The following BICC1 variants were observed in gnomAD, a reference collection of about 807,000 sequenced individuals.
BICC1 encodes the protein BicC family RNA binding protein 1.
BICC1 carries 43 observed loss-of-function variants against 111.0 expected under a neutral mutation model. That is an observed-to-expected ratio of 0.39 (90% CI 0.30 to 0.50). The LOEUF (loss-of-function observed/expected upper bound fraction) is 0.50. Ranked by LOEUF, BICC1 falls within the 20% of genes least tolerant of loss-of-function variation. The pLI is 0.88. For synonymous variants in BICC1, 467 were observed against 434.4 expected, an observed-to-expected ratio of 1.07 and a Z score of -0.93; for missense variants, 1,091 against 1,203.2, an observed-to-expected ratio of 0.91 and a Z score of 1.38.
intron 3 of BICC1, among the ~76,000 whole-genome samples, chr10:58,729,580 A>G (rs1186112166): frequency 2.0e-5 from 3 of 152,196 alleles, no homozygotes; most frequent in Non-Finnish European, 2.9e-5. Context: ...TGGGTAATTT[A>G]TAAAGAAAAG....
At chr10:58,597,715 G>T (rs1437233018) in intron 1 of BICC1, among the ~76,000 whole-genome samples, 1 of 151,870 alleles carries the variant, frequency 6.6e-6, no homozygotes, top group Admixed American at 6.6e-5. Context: ...CTTTCCCAGG[G>T]TATTAATATT....
At chr10:58,632,293 T>C (rs1837816368) in intron 2 of BICC1, among the ~76,000 whole-genome samples, 1 of 152,196 alleles carries the variant, frequency 6.6e-6, no homozygotes, top group African/African-American at 2.4e-5. Flanking sequence ...AGCATGCATG[T>C]GTGCAGGCTT....
intron 1 of BICC1, among the ~76,000 whole-genome samples, chr10:58,614,318 AC>A (rs1380574023): frequency 6.6e-6 from 1 of 152,094 alleles, no homozygotes; most frequent in East Asian, 1.9e-4. Context: ...GGGACTCAAC[AC>A]CGTTTGCACC....
intron 3 of BICC1, among the ~76,000 whole-genome samples, chr10:58,748,865 C>T (rs1469406027): frequency 6.6e-6 from 1 of 152,112 alleles, no homozygotes; most frequent in African/African-American, 2.4e-5. Context: ...TTTTGGGAAC[C>T]TGCTTAGAGA....
chr10:58,705,446 A>C (rs10740758), intron 3 of BICC1, among the ~76,000 whole-genome samples: 151,948 of 152,338 alleles, frequency 1, 75,780 homozygotes, highest in Middle Eastern at 1. Context: ...TAGAGTGATG[A>C]CAACCTCATT....
At chr10:58,601,296 A>T (rs1344839084) in intron 1 of BICC1, among the ~76,000 whole-genome samples, 1 of 151,200 alleles carries the variant, frequency 6.6e-6, no homozygotes, top group Non-Finnish European at 1.5e-5. Context: ...TAATAGTTAC[A>T]ATCATGTTTC....
intron 2 of BICC1, among the ~76,000 whole-genome samples, chr10:58,661,055 G>A (rs898339889): frequency 2.6e-5 from 4 of 152,064 alleles, no homozygotes; most frequent in Non-Finnish European, 2.9e-5. Flanking sequence ...GATTTTATTC[G>A]AATGTTTTCA....
intron 3 of BICC1, among the ~76,000 whole-genome samples, chr10:58,776,277 TTG>T (rs1842746881): frequency 6.6e-6 from 1 of 152,168 alleles, no homozygotes; most frequent in East Asian, 1.9e-4. Context: ...CAACCAGCAG[TTG>T]TGTGTTAAGA....
chr10:58,718,857 T>A (rs1225439225), intron 3 of BICC1, among the ~76,000 whole-genome samples: 3 of 152,148 alleles, frequency 2.0e-5, no homozygotes, highest in African/African-American at 7.2e-5. Flanking sequence ...TTACTTACTG[T>A]ATTATACAAT....
chr10:58,780,883 G>A (rs1842865385), intron 3 of BICC1, among the ~76,000 whole-genome samples: 5 of 151,996 alleles, frequency 3.3e-5, no homozygotes, highest in African/African-American at 9.7e-5. Context: ...GGTTTTTAGC[G>A]GGTGTCCTTA....
chr10:58,536,125 A>G (rs1374797457), intron 1 of BICC1, among the ~76,000 whole-genome samples: 1 of 151,794 alleles, frequency 6.6e-6, no homozygotes, highest in Non-Finnish European at 1.5e-5. Context: ...AAACACAATA[A>G]TAGTAGAGGG....
chr10:58,540,599 A>ATC (rs1273847466), intron 1 of BICC1, among the ~76,000 whole-genome samples: 1 of 152,048 alleles, frequency 6.6e-6, no homozygotes, highest in Non-Finnish European at 1.5e-5. Context: ...TATACTGGTA[A>ATC]GGAGATTGAA....
chr10:58,733,845 A>G (rs1841391066), intron 3 of BICC1, among the ~76,000 whole-genome samples: 1 of 152,226 alleles, frequency 6.6e-6, no homozygotes, highest in African/African-American at 2.4e-5. Context: ...AGTTAGGAGC[A>G]TGGTGTCTTG....
chr10:58,711,555 C>T (rs778970821), intron 3 of BICC1, among the ~76,000 whole-genome samples: 27 of 152,126 alleles, frequency 1.8e-4, no homozygotes, highest in South Asian at 4.1e-4. Context: ...AGCTCATGTT[C>T]GGTGACCTAT....
rs78425963 is a variant in BICC1 at position 58,521,915 on chromosome 10, T to A, written c.190+8582T>A. On this transcript the variant is annotated intron_variant, in intron 1 of 20. Transcript: ENST00000373886. ...GAATCTTTTGTGAGTCTAATGGAGA[T>A]GGTCCCAGGATCACACTTTGAGAAA... Among the ~76,000 whole-genome samples, 380 of 151,638 alleles carry A rather than the reference T, an allele frequency of 2.5e-3. 4 individuals carry two copies. The East Asian group carries it at 0.028, about 11-fold the overall frequency.
intron 3 of BICC1, among the ~76,000 whole-genome samples, chr10:58,704,887 G>C (rs1436911891): frequency 2.6e-5 from 4 of 152,158 alleles, no homozygotes; most frequent in Non-Finnish European, 4.4e-5. Flanking sequence ...ATTTTTCGTG[G>C]TCGCTGTTAC....
At chr10:58,646,389 T>G (rs922283940) in intron 2 of BICC1, among the ~76,000 whole-genome samples, 1 of 152,182 alleles carries the variant, frequency 6.6e-6, no homozygotes, top group African/African-American at 2.4e-5. Flanking sequence ...ATGACCTATT[T>G]GTTTGGGCTA....
intron 1 of BICC1, among the ~76,000 whole-genome samples, chr10:58,514,861 T>A (rs1386249545): frequency 6.6e-6 from 1 of 152,230 alleles, no homozygotes; most frequent in Non-Finnish European, 1.5e-5. Flanking sequence ...AAACAAAATA[T>A]TAAATTTATG....
Position 58,828,672 on chromosome 10 carries a change from G to A in BICC1, c.2795-89G>A, listed in dbSNP as rs757871250. The A allele has an allele frequency of 9.4e-6, 13 of 1,388,114 alleles. No individual in the cohort carries two copies. The Middle Eastern group carries it at 5.6e-4, about 60-fold the overall frequency. 86.0% of individuals were successfully genotyped at this position (1,388,114 alleles called of 1,614,324 possible). On this transcript the variant is annotated intron_variant, in intron 20 of 20. Transcript: ENST00000373886. ...TGACTTTCCTCAAAAAACCTACCAC[G>A]TCACCATTTTCTGAGCTCTAGTGCC...
Sources: allele counts gnomAD v4.1 joint callset (sites outside exome capture counted in the v4.1 genomes callset), GRCh38; gene constraint gnomAD v4.1.1; transcripts MANE v1.5; gene names NCBI Gene and HGNC (gene_info 2026-07-23, HGNC 2026-07-21).